FAM193B: variants seen among roughly 807,000 people sequenced by gnomAD.
The protein encoded by FAM193B is family with sequence similarity 193 member B, also known as protein FAM193B.
FAM193B carries 27 observed loss-of-function variants against 70.7 expected under a neutral mutation model. The ratio of observed to expected loss-of-function variants is 0.38; its 90% CI spans 0.28 to 0.53. The LOEUF (loss-of-function observed/expected upper bound fraction) is 0.53. FAM193B is among the 20% of genes least tolerant of loss of function. FAM193B has a pLI of 0.81. For missense variants in FAM193B, 1,022 were observed against 1,072.5 expected, an observed-to-expected ratio of 0.95 and a Z score of 0.66; for synonymous variants, 448 against 436.0, an observed-to-expected ratio of 1.03 and a Z score of -0.34.
In FAM193B at chr5:177,549,166, T is replaced by C. The variant is rs566598284; in HGVS notation, c.210+5083A>G. ...ACTTGTTGGACCCTAACATTAACCA[T>C]GTAAGACTGGATTGTCTTTTCTTTT... is the stretch of plus-strand genomic sequence containing the variant. On this transcript the variant is annotated intron_variant, in intron 1 of 8. Transcript: ENST00000514747. 3.3e-5 allele frequency among the ~76,000 whole-genome samples: 5 copies of C among 150,974 alleles called. No individual in the cohort carries two copies. In the South Asian group the frequency reaches 6.3e-4, roughly 19 times the overall value.
chr5:177,547,992 C>A (rs1305535110), intron 1 of FAM193B, among the ~76,000 whole-genome samples: 1 of 152,218 alleles, frequency 6.6e-6, no homozygotes, highest in Non-Finnish European at 1.5e-5. Flanking sequence ...CTTCCCAAGA[C>A]ATAGCATGCC....
intron 4 of FAM193B, among the ~76,000 whole-genome samples, chr5:177,536,093 G>A (rs746700254): frequency 2.6e-5 from 4 of 151,858 alleles, no homozygotes; most frequent in Non-Finnish European, 5.9e-5. Flanking sequence ...AAAATTTTTT[G>A]TAGAGAGGGG....
intron 5 of FAM193B, chr5:177,531,333 G>A (rs761796529): frequency 7.4e-7 from 1 of 1,359,662 alleles, no homozygotes; most frequent in Non-Finnish European, 9.8e-7. Flanking sequence ...CGCTGTTGGG[G>A]ACTTTGGGCT....
chr5:177,552,810 T>C (rs1766458999), intron 1 of FAM193B, among the ~76,000 whole-genome samples: 1 of 152,204 alleles, frequency 6.6e-6, no homozygotes, highest in African/African-American at 2.4e-5. Flanking sequence ...TTTCATTAAT[T>C]AAAAACCTTA....
chr5:177,546,182 CA>C (rs1158786108), intron 1 of FAM193B, among the ~76,000 whole-genome samples: 3 of 152,252 alleles, frequency 2.0e-5, no homozygotes, highest in Non-Finnish European at 4.4e-5. Context: ...TGCCGGGAAA[CA>C]TCTACCCTTG....
chr5:177,538,035 A>G lies in FAM193B; in HGVS notation c.526T>C (p.Ser176Pro). ...DDSHSSSSSS[S>P]SSSSSSSSSC... is the part of the protein sequence containing the mutation. ...GAGGAGGACGAGGATGAGGATGATG[A>G]GGAGGAAGACGAGGACGAATGAGAG... is the stretch of plus-strand genomic sequence containing the variant. Residue 176 changes from serine to proline, a missense_variant, in exon 3 of 9, where the codon TCA becomes CCA. By Grantham distance (74) the Ser-to-Pro change is moderately conservative. Transcript: ENST00000514747. The surrounding 1 kb of genome is among the most constrained non-coding windows in gnomAD (Gnocchi z 4.1). 1.9e-6 allele frequency: 3 copies of G among 1,554,088 alleles called. No individual in the cohort carries two copies. The highest frequency in any genetic ancestry group is 1.2e-5 in the South Asian group (1 of 84,138).
intron 5 of FAM193B, among the ~76,000 whole-genome samples, chr5:177,528,554 C>T (rs1349811354): frequency 6.6e-6 from 1 of 152,120 alleles, no homozygotes; most frequent in Non-Finnish European, 1.5e-5. Context: ...CCGCACAGGC[C>T]TTAGGCGGGA....
At position 177,524,707 on chromosome 5, in the gene FAM193B, T is replaced by C; in HGVS notation, c.1774A>G (p.Asn592Asp). ...GLVRRLNTVP[N>D]LSRVIWVKTP... ...TTGACCCAGATCACCCGGGATAGGT[T>C]GGGCACGGTGTTGAGTCTCCTCACG... Residue 592 changes from asparagine (N) to aspartate (D), a missense_variant, in exon 6 of 9, where the codon AAC becomes GAC. Transcript: ENST00000514747. 1 of 1,592,252 alleles carries C rather than the reference T, an allele frequency of 6.3e-7. No homozygotes were observed. The highest frequency in any genetic ancestry group is 8.5e-7 in the Non-Finnish European group (1 of 1,170,392).
chr5:177,536,895 G>T, intron 3 of FAM193B, 150 bp from the exon 4 acceptor site: 1 of 1,124,904 alleles, frequency 8.9e-7, no homozygotes, highest in Non-Finnish European at 1.2e-6. Context: ...AAGATTCTGT[G>T]TGGGCAGCAA....
intron 1 of FAM193B, among the ~76,000 whole-genome samples, chr5:177,550,331 C>T (rs1329188525): frequency 1.3e-5 from 2 of 152,148 alleles, no homozygotes; most frequent in East Asian, 3.8e-4. Context: ...GGCACTGATT[C>T]TAAGGGGGAG....
chr5:177,536,221 T>A lies in FAM193B; in HGVS notation c.1076+137A>T, dbSNP rs1764143880. 53 of 1,030,170 alleles carry A rather than the reference T, an allele frequency of 5.1e-5. 1 individual carries two copies. In the South Asian group the frequency reaches 7.3e-4, roughly 14 times the overall value. The allele number at this position is 1,030,170 out of a possible 1,614,324, so 63.8% of individuals were successfully genotyped here. On this transcript the variant is annotated intron_variant, in intron 4 of 8. Transcript: ENST00000514747. The stretch of plus-strand genomic sequence containing the variant: ...AGCCACTGTGCCAGGCCAAAACACA[T>A]ACTTCTTTACAATTGAAAAATAATG...
At position 177,538,737 on chromosome 5, in the gene FAM193B, C is replaced by T. The variant is rs1764490525; in HGVS notation, c.453+168G>A. 6.6e-6 allele frequency among the ~76,000 whole-genome samples: 1 copy of T among 152,204 alleles called. No homozygotes were observed. Among genetic ancestry groups the T allele is most frequent in the Non-Finnish European group, 1.5e-5 (1 of 68,042 alleles). On this transcript the variant is annotated intron_variant, in intron 2 of 8. Coordinates refer to ENST00000514747, the MANE Select transcript of FAM193B (RefSeq NM_001190946.3). The surrounding 1 kb of genome is among the most constrained non-coding windows in gnomAD (Gnocchi z 4.1). ...GGCTGCCAGAAGTTTCTCTTCTTCC[C>T]CCAAATCTGAACTTGAGCTGCCAAT...
At position 177,536,751 on chromosome 5, in the gene FAM193B, G is replaced by A; in HGVS notation, c.689-6C>T. ...CGAGACGGGGAAAGCCTCACCTGTG[G>A]GCAGAGGGAGGAGAAAGGGGTCAGA... is the stretch of plus-strand genomic sequence containing the variant. On this transcript the variant is annotated splice_polypyrimidine_tract_variant and splice_region_variant and intron_variant, in intron 3 of 8. Transcript: ENST00000514747. 1 of 1,550,590 alleles carries A rather than the reference G, an allele frequency of 6.4e-7. No homozygotes were observed.
At chr5:177,528,132 C>G (rs1762900111) in intron 5 of FAM193B, among the ~76,000 whole-genome samples, 1 of 152,180 alleles carries the variant, frequency 6.6e-6, no homozygotes, top group African/African-American at 2.4e-5. Flanking sequence ...ACTCCCCTTG[C>G]CCTTTCCTGC....
chr5:177,550,034 G>T (rs1317284363), intron 1 of FAM193B, among the ~76,000 whole-genome samples: 1 of 152,138 alleles, frequency 6.6e-6, no homozygotes, highest in Admixed American at 6.5e-5. Flanking sequence ...TTAAAACTCA[G>T]CTGGGTGTAG....
At position 177,554,366 on chromosome 5, in the gene FAM193B, G is replaced by A; in HGVS notation, c.93C>T (p.Pro31=). The change falls in exon 1 of 9, where the codon CCC becomes CCT. Residue 31 remains proline, a synonymous_variant. Coordinates refer to ENST00000514747, the MANE Select transcript of FAM193B (RefSeq NM_001190946.3). ...CCGCCTCCAGGCTTGGCGGCGGCGG[G>A]GGCTCGGGCGCCTGGGGCTTCTGCG... ...AGPQKPQAPE[P]PPPPSLEAGA... 1 of 1,215,728 alleles carries A rather than the reference G, an allele frequency of 8.2e-7. No individual in the cohort carries two copies. Among genetic ancestry groups the A allele is most frequent in the Non-Finnish European group, 1.0e-6 (1 of 977,430 alleles). The allele number at this position is 1,215,728 out of a possible 1,614,324, so 75.3% of individuals were successfully genotyped here. A position where few individuals can be genotyped will look rare whatever the true frequency, so the allele number is the denominator to read the frequency against.
rs1377297082 is a variant in FAM193B, at chr5:177,522,089, C to T, written c.2373-18G>A. The T allele has an allele frequency of 3.1e-6, 5 of 1,601,812 alleles. No individual in the cohort carries two copies. The South Asian group carries it at 5.5e-5, about 18-fold the overall frequency. On this transcript the variant is annotated intron_variant, in intron 7 of 8. Transcript: ENST00000514747. The stretch of plus-strand genomic sequence containing the variant: ...AACAGAACCTGTTGGGTTTGGGGGA[C>T]ACATGAGAAGCACAATCAGAGGTTC...
chr5:177,529,398 A>C (rs1352871194), intron 5 of FAM193B, among the ~76,000 whole-genome samples: 1 of 151,884 alleles, frequency 6.6e-6, no homozygotes, highest in Non-Finnish European at 1.5e-5. Flanking sequence ...ACAAGGGAGG[A>C]GGCTGCTGTC....
chr5:177,553,969 CCA>C, intron 1 of FAM193B: 1 of 1,260,270 alleles, frequency 7.9e-7, no homozygotes, highest in South Asian at 1.6e-5. Context: ...AGTCCCAGTC[CCA>C]GTCCCAGTGT....
Sources: allele counts gnomAD v4.1 joint callset (sites outside exome capture counted in the v4.1 genomes callset), GRCh38; gene constraint gnomAD v4.1.1; non-coding constraint Gnocchi (gnomAD v3.1); transcripts MANE v1.5; gene names NCBI Gene and HGNC (gene_info 2026-07-23, HGNC 2026-07-21).